Variants in PRRC2B observed in about 807,000 individuals in gnomAD.
PRRC2B encodes proline rich coiled-coil 2B, also known as protein PRRC2B.
In PRRC2B, 68 loss-of-function variants were observed where a neutral mutation model predicts 242.3. The observed-to-expected ratio is 0.28, with a 90% CI of 0.23 to 0.34. The LOEUF (loss-of-function observed/expected upper bound fraction) is 0.34. Ranked by LOEUF, PRRC2B falls within the 10% of genes least tolerant of loss-of-function variation. The probability of loss-of-function intolerance (pLI) is 1.00; values close to 1 mark genes in which losing one functional copy is unlikely to be tolerated. For missense variants in PRRC2B, 2,835 were observed against 2,954.8 expected (o/e 0.96, Z 0.94); for synonymous variants, 1,228 against 1,173.6 (o/e 1.05, Z -0.95).
At chr9:131,461,119 C>A (rs1196674553) in intron 11 of PRRC2B, among the ~76,000 whole-genome samples, 1 of 152,208 alleles carries the variant, frequency 6.6e-6, no homozygotes, top group Non-Finnish European at 1.5e-5. Context: ...GAGAATCTAT[C>A]TCTCATCGTC....
At chr9:131,462,732 G>A (rs564290279) in intron 11 of PRRC2B, among the ~76,000 whole-genome samples, 10 of 150,368 alleles carry the variant, frequency 6.7e-5, no homozygotes, top group Admixed American at 6.0e-4. Flanking sequence ...CAGCTACTCA[G>A]GAGGCTGAGG....
At chr9:131,412,590 A>G (rs1289096062) in intron 1 of PRRC2B, among the ~76,000 whole-genome samples, 1 of 152,228 alleles carries the variant, frequency 6.6e-6, no homozygotes, top group Non-Finnish European at 1.5e-5. Flanking sequence ...TGATGGCACC[A>G]GGTACATGAG....
intron 1 of PRRC2B, among the ~76,000 whole-genome samples, chr9:131,382,709 A>C (rs1836776815): frequency 6.8e-6 from 1 of 147,514 alleles, no homozygotes; most frequent in Non-Finnish European, 1.5e-5. Context: ...CAGTGGTGTG[A>C]TCTCGGCTCA....
intron 1 of PRRC2B, among the ~76,000 whole-genome samples, chr9:131,405,523 C>T (rs1158436333): frequency 6.6e-6 from 1 of 152,132 alleles, no homozygotes; most frequent in African/African-American, 2.4e-5. Context: ...CTCGACTCAA[C>T]CTCTTGGCGT....
intron 30 of PRRC2B, among the ~76,000 whole-genome samples, chr9:131,493,185 G>T (rs1564303965): frequency 1.3e-5 from 2 of 152,056 alleles, no homozygotes; most frequent in African/African-American, 4.8e-5. Context: ...CTCCATCACA[G>T]CATTCCACTC....
chr9:131,446,702 G>A lies in PRRC2B; in HGVS notation c.855+60G>A. The A allele has an allele frequency of 6.3e-7, 1 of 1,586,208 alleles. No individual in the cohort carries two copies. Among genetic ancestry groups the A allele is most frequent in the East Asian group, 2.2e-5 (1 of 44,644 alleles). ...GAAGTTGGATTGTGTCCAGCAGATAGGTCAAGTGGTTGAATGTCCCCCTTG... is the reference window on the plus strand; with the variant it reads ...GAAGTTGGATTGTGTCCAGCAGATAAGTCAAGTGGTTGAATGTCCCCCTTG... On this transcript the variant is annotated intron_variant, in intron 7 of 31. Coordinates refer to ENST00000683519, the MANE Select transcript of PRRC2B (RefSeq NM_013318.4). This position sits in a 1 kb window ranked among gnomAD's most constrained non-coding sequence, Gnocchi z 4.1.
chr9:131,405,869 C>T (rs1206576196), intron 1 of PRRC2B, among the ~76,000 whole-genome samples: 2 of 152,204 alleles, frequency 1.3e-5, no homozygotes, highest in African/African-American at 4.8e-5. Context: ...CAGCTGCCTT[C>T]AAGTCCAGGT....
chr9:131,445,501 GTTAA>G (rs1227030602), intron 6 of PRRC2B, among the ~76,000 whole-genome samples: 8 of 152,204 alleles, frequency 5.3e-5, no homozygotes, highest in Non-Finnish European at 1.0e-4. Context: ...TCTTTCTGGG[GTTAA>G]TTAAGAGGAG....
intron 28 of PRRC2B, among the ~76,000 whole-genome samples, chr9:131,490,216 C>T (rs1034338888): frequency 7.3e-5 from 11 of 151,534 alleles, no homozygotes; most frequent in African/African-American, 2.7e-4. Flanking sequence ...CTCCTTGGCT[C>T]CCTGCTCCCC....
At chr9:131,427,481 C>T (rs947297087) in intron 1 of PRRC2B, among the ~76,000 whole-genome samples, 1 of 152,050 alleles carries the variant, frequency 6.6e-6, no homozygotes, top group Non-Finnish European at 1.5e-5. Flanking sequence ...CAGGCGCCCA[C>T]CACCACGCCT....
chr9:131,493,635 A>AG (rs1197401493), intron 30 of PRRC2B, among the ~76,000 whole-genome samples: 18 of 152,236 alleles, frequency 1.2e-4, no homozygotes, highest in African/African-American at 4.1e-4. Flanking sequence ...ATGGTGTTTT[A>AG]GGGGGGTTGG....
At chr9:131,439,663 C>G (rs539551369) in intron 5 of PRRC2B, among the ~76,000 whole-genome samples, 30 of 152,234 alleles carry the variant, frequency 2.0e-4, no homozygotes, top group African/African-American at 7.0e-4. Flanking sequence ...GGGTTGAAAT[C>G]CCTGTGCTCA....
Position 131,414,416 on chromosome 9 carries a change from T to C in PRRC2B, c.-51-15678T>C, listed in dbSNP as rs909697777. Among the ~76,000 whole-genome samples the C allele has an allele frequency of 1.6e-4, 22 of 135,026 alleles. 2 individuals are homozygous for C. Among genetic ancestry groups the C allele is most frequent in the East Asian group, 1.2e-3 (5 of 4,238 alleles). The allele number at this position is 135,026 out of a possible 152,430, so 88.6% of individuals were successfully genotyped here. On this transcript the variant is annotated intron_variant, in intron 1 of 31. Transcript: ENST00000683519. Reference sequence around the variant, plus strand: ...TAAACTGCATTAAAGTTTGTATCTTTTGCTTTTTACATTGCTCCAAGAAAA... The same window carrying C: ...TAAACTGCATTAAAGTTTGTATCTTCTGCTTTTTACATTGCTCCAAGAAAA...
chr9:131,429,889 A>G (rs1032426331), intron 1 of PRRC2B, among the ~76,000 whole-genome samples: 1 of 152,050 alleles, frequency 6.6e-6, no homozygotes, highest in Non-Finnish European at 1.5e-5. Flanking sequence ...CGGGGTGTCT[A>G]CATAAATGCC....
chr9:131,473,413 G>T (rs1943596884), intron 14 of PRRC2B, 95 bp from the exon 15 acceptor site: 5 of 830,428 alleles, frequency 6.0e-6, no homozygotes, highest in Admixed American at 6.2e-5. Flanking sequence ...TGAAAGTCAG[G>T]GTAACTGTTA....
At chr9:131,405,724 G>T (rs1369098565) in intron 1 of PRRC2B, among the ~76,000 whole-genome samples, 3 of 152,114 alleles carry the variant, frequency 2.0e-5, no homozygotes, top group Non-Finnish European at 4.4e-5. Context: ...GCTCCTGGGG[G>T]GGTTATTGTT....
chr9:131,485,618 A>G (rs774749717), intron 25 of PRRC2B: 2 of 531,762 alleles, frequency 3.8e-6, no homozygotes, highest in East Asian at 1.1e-4. Context: ...ATCGTGTGCC[A>G]GTGTCCCCAA....
intron 1 of PRRC2B, among the ~76,000 whole-genome samples, chr9:131,420,453 T>TTTTCTC (rs1554758581): frequency 6.6e-5 from 4 of 60,988 alleles, no homozygotes; most frequent in South Asian, 8.5e-4. Flanking sequence ...TTCTTTTTCT[T>TTTTCTC]TTTCTTTCTT....
At chr9:131,380,886 C>CAAAAAAAAAAAAAAAAA (rs61180556) in intron 1 of PRRC2B, among the ~76,000 whole-genome samples, 1 of 108,344 alleles carries the variant, frequency 9.2e-6, no homozygotes. Flanking sequence ...ATTCTGTCTC[C>CAAAAAAAAAAAAAAAAA]AAAAAAAAAA....
Sources: allele counts gnomAD v4.1 joint callset (sites outside exome capture counted in the v4.1 genomes callset), GRCh38; gene constraint gnomAD v4.1.1; non-coding constraint Gnocchi (gnomAD v3.1); transcripts MANE v1.5; gene names NCBI Gene and HGNC (gene_info 2026-07-23, HGNC 2026-07-21).